ARNT2: variants seen among roughly 807,000 people sequenced by gnomAD.
ARNT2 encodes the protein ARNT protein 2.
A neutral mutation model predicts 91.7 loss-of-function variants in ARNT2; 36 were observed. The ratio of observed to expected loss-of-function variants is 0.39; its 90% CI spans 0.30 to 0.52. The LOEUF (loss-of-function observed/expected upper bound fraction) is 0.52. ARNT2 is among the 20% of genes least tolerant of loss of function. The probability of loss-of-function intolerance (pLI) is 0.72; values close to 1 mark genes in which losing one functional copy is unlikely to be tolerated. For synonymous variants in ARNT2, 365 were observed against 347.1 expected, an observed-to-expected ratio of 1.05 and a Z score of -0.57; for missense variants, 775 against 939.3, an observed-to-expected ratio of 0.83 and a Z score of 2.29.
chr15:80,559,688 C>T (rs925589262), intron 11 of ARNT2, among the ~76,000 whole-genome samples: 1 of 152,188 alleles, frequency 6.6e-6, no homozygotes, highest in African/African-American at 2.4e-5. Context: ...CCTCTCCAGG[C>T]ACAGTTTACC....
chr15:80,593,514 G>A, intron 18 of ARNT2, 86 bp from the exon 19 acceptor site: 1 of 1,079,344 alleles, frequency 9.3e-7, no homozygotes, highest in South Asian at 1.5e-5. Context: ...CCATGAGGGT[G>A]AGTGCAGACT....
At chr15:80,518,153 T>A (rs960636714) in intron 8 of ARNT2, among the ~76,000 whole-genome samples, 4 of 152,022 alleles carry the variant, frequency 2.6e-5, no homozygotes, top group Non-Finnish European at 5.9e-5. Flanking sequence ...TTCCTAGGAG[T>A]TGGGCTGTGT....
intron 8 of ARNT2, among the ~76,000 whole-genome samples, chr15:80,516,059 T>TG (rs2141429915): frequency 6.6e-6 from 1 of 152,122 alleles, no homozygotes; most frequent in Admixed American, 6.5e-5. Context: ...TTAGTAGAGA[T>TG]GGGGTTTCAC....
intron 5 of ARNT2, among the ~76,000 whole-genome samples, chr15:80,497,080 G>A (rs532286349): frequency 6.6e-6 from 1 of 152,286 alleles, no homozygotes; most frequent in Non-Finnish European, 1.5e-5. Context: ...ATAATGTTGG[G>A]GACCATGTGG....
In ARNT2 at chr15:80,514,327, C is replaced by T; in HGVS notation, c.799C>T (p.Leu267Phe). The T allele has an allele frequency of 6.2e-7, 1 of 1,614,124 alleles. No individual in the cohort carries two copies. The highest frequency in any genetic ancestry group is 8.5e-7 in the Non-Finnish European group (1 of 1,180,006). ...ACAAATGTTCTTTTTTAGGAATGGC[C>T]TTGGCCCTGTGAAAGAAGGAGAAGC... is the stretch of plus-strand genomic sequence containing the variant. ...TTMRKRFRNGLGPVKEGEAQY... is the reference protein window; with the variant it reads ...TTMRKRFRNGFGPVKEGEAQY... The change falls in exon 8 of 19, where the codon CTT (leucine) becomes TTT (phenylalanine). Residue 267 changes from leucine to phenylalanine, a missense_variant. Physicochemically the swap from Leu to Phe is conservative, Grantham distance 22. Coordinates refer to ENST00000303329, the MANE Select transcript of ARNT2 (RefSeq NM_014862.4).
chr15:80,476,173 G>A (rs532717482), intron 5 of ARNT2, among the ~76,000 whole-genome samples: 5 of 152,318 alleles, frequency 3.3e-5, no homozygotes, highest in East Asian at 1.9e-4. Context: ...AGAAGGTGTG[G>A]TCATTTGTAT....
At chr15:80,482,138 G>A (rs932225170) in intron 5 of ARNT2, among the ~76,000 whole-genome samples, 2 of 152,136 alleles carry the variant, frequency 1.3e-5, no homozygotes, top group African/African-American at 4.8e-5. Flanking sequence ...TCACACTCCT[G>A]GACTTAAACA....
chr15:80,562,736 G>A (rs768626237), intron 11 of ARNT2: 28 of 290,346 alleles, frequency 9.6e-5, no homozygotes, highest in Non-Finnish European at 1.4e-4. Flanking sequence ...ACCAAACCCA[G>A]AGTACCCTAG....
In ARNT2 at chr15:80,454,292, C is replaced by T. The variant is rs572666504; in HGVS notation, c.146+3298C>T. On this transcript the variant is annotated intron_variant, in intron 2 of 18. Coordinates refer to ENST00000303329, the MANE Select transcript of ARNT2 (RefSeq NM_014862.4). ...GGGCAAATTCAGTTGGGGGAAGCAG[C>T]AGTGGCTAGTTAGGGTTTGTGCCCA... Among the ~76,000 whole-genome samples the T allele has an allele frequency of 2.6e-5, 4 of 152,246 alleles. No individual in the cohort carries two copies. The East Asian group carries it at 7.7e-4, about 29-fold the overall frequency.
At chr15:80,502,370 C>G (rs756272552) in intron 5 of ARNT2, among the ~76,000 whole-genome samples, 1 of 152,198 alleles carries the variant, frequency 6.6e-6, no homozygotes, top group Non-Finnish European at 1.5e-5. Context: ...TTAGGTGGGC[C>G]TTCCACATGG....
At chr15:80,592,691 C>T (rs1893301851) in intron 18 of ARNT2, among the ~76,000 whole-genome samples, 2 of 152,234 alleles carry the variant, frequency 1.3e-5, no homozygotes, top group Admixed American at 6.5e-5. Flanking sequence ...CCCAGGCCTT[C>T]GCCTGCCTCC....
rs267604340 is a variant in ARNT2, at chr15:80,593,685, C to T, written c.2141C>T (p.Pro714Leu). The T allele has an allele frequency of 6.2e-7, 1 of 1,604,382 alleles. No homozygotes were observed. Among genetic ancestry groups the T allele is most frequent in the Non-Finnish European group, 8.5e-7 (1 of 1,174,362 alleles). The change falls in exon 19 of 19, where the codon CCG becomes CTG. Residue 714 changes from proline (P) to leucine (L), a missense_variant. By Grantham distance (98) the Pro-to-Leu change is moderately conservative. Transcript: ENST00000303329. Reference sequence around the variant, plus strand: ...TTTGCCGACCTGGGCATGTTTCCACCGTTTTCTGAGTAGCTGCGGCCAGAG... The same window carrying T: ...TTTGCCGACCTGGGCATGTTTCCACTGTTTTCTGAGTAGCTGCGGCCAGAG... ...EDFADLGMFP[P>L]FSE is the part of the protein sequence containing the mutation.
chr15:80,412,103 C>T (rs1045982681), intron 1 of ARNT2, among the ~76,000 whole-genome samples: 2 of 152,198 alleles, frequency 1.3e-5, no homozygotes, highest in African/African-American at 4.8e-5. Context: ...ATAGTGCAGG[C>T]TTTAGAGTTG....
chr15:80,590,301 T>C (rs893110000), intron 17 of ARNT2, among the ~76,000 whole-genome samples: 4 of 152,240 alleles, frequency 2.6e-5, no homozygotes, highest in Admixed American at 2.0e-4. Context: ...GAAAAAAAGC[T>C]TCTAAGATTT....
chr15:80,593,086 G>A (rs1381187464), intron 18 of ARNT2, among the ~76,000 whole-genome samples: 1 of 152,194 alleles, frequency 6.6e-6, no homozygotes, highest in Non-Finnish European at 1.5e-5. Flanking sequence ...CCCGTTTTCT[G>A]GATGGGTCAT....
intron 1 of ARNT2, among the ~76,000 whole-genome samples, chr15:80,438,173 T>C (rs1222187917): frequency 6.6e-6 from 1 of 152,234 alleles, no homozygotes; most frequent in Non-Finnish European, 1.5e-5. Flanking sequence ...AGTTAAACTC[T>C]AAGTCAGAAA....
At chr15:80,419,487 T>C (rs989719496) in intron 1 of ARNT2, among the ~76,000 whole-genome samples, 1 of 152,332 alleles carries the variant, frequency 6.6e-6, no homozygotes, top group South Asian at 2.1e-4. Context: ...ACTGTCACAC[T>C]GGCTTTCCCT....
intron 3 of ARNT2, among the ~76,000 whole-genome samples, chr15:80,460,929 T>A (rs990970818): frequency 6.6e-6 from 1 of 152,024 alleles, no homozygotes; most frequent in African/African-American, 2.4e-5. Context: ...GGAGTACTCA[T>A]GCTCCAAGGC....
chr15:80,453,815 G>T (rs1896440956), intron 2 of ARNT2, among the ~76,000 whole-genome samples: 1 of 152,218 alleles, frequency 6.6e-6, no homozygotes, highest in Admixed American at 6.5e-5. Flanking sequence ...AGGAATGGGG[G>T]TGGTGGAAGG....
Sources: gnomAD v4.1 joint callset for allele counts (sites outside exome capture counted in the v4.1 genomes callset) on GRCh38, gnomAD v4.1.1 for gene constraint, MANE v1.5 for transcripts, NCBI Gene and HGNC (gene_info 2026-07-23, HGNC 2026-07-21) for gene names.